The following BFSP2 variants were observed in gnomAD, a reference collection of about 807,000 sequenced individuals.
The protein encoded by BFSP2 is beaded filament structural protein 2.
In BFSP2, 38 loss-of-function variants were observed where a neutral mutation model predicts 44.9. The observed-to-expected ratio is 0.85, with a 90% CI of 0.65 to 1.11. BFSP2 has a LOEUF of 1.11. BFSP2 is among the 50% of genes least tolerant of loss of function. The probability of loss-of-function intolerance (pLI) is 0.00; values close to 1 mark genes in which losing one functional copy is unlikely to be tolerated. For missense variants in BFSP2, 525 were observed against 533.0 expected (o/e 0.99, Z 0.15); for synonymous variants, 197 against 209.9 (o/e 0.94, Z 0.53).
rs575377442 is a variant in BFSP2, at chr3:133,448,707, G to A, written c.729+62G>A. On this transcript the variant is annotated intron_variant, in intron 3 of 6. Coordinates refer to ENST00000302334, the MANE Select transcript of BFSP2 (RefSeq NM_003571.4). ...ACCAGAAGTTCACATCTGTCTGCCT[G>A]TGCTTCATAACAAGGCCACAGTAGC... 3 of 1,587,628 alleles carry A rather than the reference G, an allele frequency of 1.9e-6. No homozygotes were observed. The East Asian group carries it at 6.7e-5, about 36-fold the overall frequency.
intron 1 of BFSP2, among the ~76,000 whole-genome samples, chr3:133,434,954 A>C (rs1483548079): frequency 6.6e-6 from 1 of 152,238 alleles, no homozygotes; most frequent in Non-Finnish European, 1.5e-5. Flanking sequence ...ACACTTTTGT[A>C]AGCAATGATA....
intron 1 of BFSP2, among the ~76,000 whole-genome samples, chr3:133,443,686 C>A (rs1159988406): frequency 6.6e-6 from 1 of 152,124 alleles, no homozygotes; most frequent in Non-Finnish European, 1.5e-5. Context: ...GCTGAACATC[C>A]ATCCTAAACT....
intron 4 of BFSP2, among the ~76,000 whole-genome samples, chr3:133,459,104 C>T (rs9682564): frequency 0.096 from 14,673 of 152,126 alleles, 721 homozygotes; most frequent in East Asian, 0.18. Flanking sequence ...CTTTGGAATG[C>T]GGAGGCAGGA....
chr3:133,472,236 A>G, intron 5 of BFSP2, 109 bp from the exon 6 acceptor site: 1 of 1,240,128 alleles, frequency 8.1e-7, no homozygotes, highest in Admixed American at 2.0e-5. Flanking sequence ...CCCTGCCACG[A>G]GGGGAATAGT....
At chr3:133,425,474 C>A (rs2073635097) in intron 1 of BFSP2, among the ~76,000 whole-genome samples, 1 of 152,226 alleles carries the variant, frequency 6.6e-6, no homozygotes, top group Non-Finnish European at 1.5e-5. Context: ...ACATTCTTCC[C>A]AGCCCCTGGG....
At chr3:133,471,600 G>T (rs2074162065) in intron 5 of BFSP2, among the ~76,000 whole-genome samples, 1 of 152,150 alleles carries the variant, frequency 6.6e-6, no homozygotes, top group African/African-American at 2.4e-5. Context: ...ATTGGTGGTG[G>T]AATTATCAAC....
intron 1 of BFSP2, among the ~76,000 whole-genome samples, chr3:133,405,720 G>T (rs1452793590): frequency 6.6e-6 from 1 of 152,226 alleles, no homozygotes; most frequent in African/African-American, 2.4e-5. Context: ...AATTTGTTTG[G>T]TCAGAGCAGG....
chr3:133,443,929 A>G (rs911875401), intron 1 of BFSP2, among the ~76,000 whole-genome samples: 6 of 152,026 alleles, frequency 3.9e-5, no homozygotes, highest in Non-Finnish European at 8.8e-5. Context: ...CTTTAACACA[A>G]TGATGGTCAA....
chr3:133,425,728 T>G (rs2073638347), intron 1 of BFSP2, among the ~76,000 whole-genome samples: 1 of 149,768 alleles, frequency 6.7e-6, no homozygotes, highest in South Asian at 2.1e-4. Context: ...CTGTGGCTGT[T>G]TCTAGCCCAG....
intron 4 of BFSP2, among the ~76,000 whole-genome samples, chr3:133,460,587 A>G (rs1283674281): frequency 1.3e-5 from 2 of 152,168 alleles, no homozygotes; most frequent in East Asian, 3.8e-4. Flanking sequence ...AATAAGTGAC[A>G]TCTTGTGGAA....
At chr3:133,430,384 T>C (rs564384394) in intron 1 of BFSP2, among the ~76,000 whole-genome samples, 2 of 151,556 alleles carry the variant, frequency 1.3e-5, no homozygotes, top group Admixed American at 1.3e-4. Context: ...AGTGTAAAAG[T>C]GTTCCTATTT....
intron 1 of BFSP2, among the ~76,000 whole-genome samples, chr3:133,413,498 T>C (rs2073476187): frequency 6.6e-6 from 1 of 152,042 alleles, no homozygotes; most frequent in African/African-American, 2.4e-5. Flanking sequence ...GGGGAATTAG[T>C]GAAAGAATGG....
In BFSP2 at chr3:133,414,958, CCCTCTACTCACCCCTGCCATCTCT is replaced by C. The variant is rs1186745804; in HGVS notation, c.489+14400_489+14423del. Among the ~76,000 whole-genome samples the C allele has an allele frequency of 2.2e-3, 311 of 140,744 alleles. 1 individual carries two copies. The highest frequency in any genetic ancestry group is 8.1e-3 in the African/African-American group (294 of 36,232). The allele number at this position is 140,744 out of a possible 152,430, so 92.3% of individuals were successfully genotyped here. On this transcript the variant is annotated intron_variant, in intron 1 of 6. Coordinates refer to ENST00000302334, the MANE Select transcript of BFSP2 (RefSeq NM_003571.4). Reference sequence around the variant, plus strand: ...ACCCCTCTACTCACCCTGCCATCTCCCCTCTACTCACCCCTGCCATCTCTCCTCTACTCACCCTTGTCCTCTCTC... The same window carrying C: ...ACCCCTCTACTCACCCTGCCATCTCCCCTCTACTCACCCTTGTCCTCTCTC...
At chr3:133,439,713 T>G (rs1324244194) in intron 1 of BFSP2, among the ~76,000 whole-genome samples, 1 of 152,066 alleles carries the variant, frequency 6.6e-6, no homozygotes, top group Non-Finnish European at 1.5e-5. Context: ...CAGTTCATGG[T>G]TGGGGAGTGA....
At chr3:133,439,638 C>T (rs192079362) in intron 1 of BFSP2, among the ~76,000 whole-genome samples, 86 of 152,230 alleles carry the variant, frequency 5.6e-4, no homozygotes, top group Non-Finnish European at 1.1e-3. Flanking sequence ...CATGACATGC[C>T]GAGGTAGCAG....
chr3:133,413,338 C>T (rs2073474825), intron 1 of BFSP2, among the ~76,000 whole-genome samples: 2 of 152,000 alleles, frequency 1.3e-5, no homozygotes, highest in African/African-American at 4.8e-5. Flanking sequence ...TCCACAGCTC[C>T]TCTCAAAACA....
At chr3:133,427,095 C>T (rs572791309) in intron 1 of BFSP2, among the ~76,000 whole-genome samples, 34 of 152,334 alleles carry the variant, frequency 2.2e-4, no homozygotes, top group Non-Finnish European at 5.0e-4. Flanking sequence ...ATTATCTCAT[C>T]ATGGTTCAAC....
chr3:133,426,285 G>A (rs1427024764), intron 1 of BFSP2, among the ~76,000 whole-genome samples: 1 of 151,914 alleles, frequency 6.6e-6, no homozygotes, highest in Non-Finnish European at 1.5e-5. Context: ...CCTCCCAAAT[G>A]CCCCCTGCTG....
chr3:133,457,358 T>C (rs943274209), intron 4 of BFSP2, among the ~76,000 whole-genome samples: 1 of 152,248 alleles, frequency 6.6e-6, no homozygotes, highest in Non-Finnish European at 1.5e-5. Flanking sequence ...TTAAATTGAC[T>C]TTTATTTTAT....
Sources: gnomAD v4.1 joint callset for allele counts (sites outside exome capture counted in the v4.1 genomes callset) on GRCh38, gnomAD v4.1.1 for gene constraint, MANE v1.5 for transcripts, NCBI Gene and HGNC (gene_info 2026-07-23, HGNC 2026-07-21) for gene names.